IL1RAPL2: variants seen among roughly 807,000 people sequenced by gnomAD.
IL1RAPL2 encodes interleukin 1 receptor accessory protein like 2.
Under a neutral mutation model 44.1 loss-of-function variants are expected in IL1RAPL2, and 3 were observed. The ratio of observed to expected loss-of-function variants is 0.07; its 90% CI spans 0.03 to 0.18. The LOEUF is 0.18. IL1RAPL2 is among the 10% of genes least tolerant of loss of function. The pLI is 1.00. For synonymous variants in IL1RAPL2, 181 were observed against 178.8 expected (o/e 1.01, Z -0.10); for missense variants, 391 against 496.4 (o/e 0.79, Z 2.02).
chrX:105,474,109 G>A (rs2036182658), intron 5 of IL1RAPL2, among the ~76,000 whole-genome samples: 1 of 111,314 alleles, frequency 9.0e-6, no homozygotes, highest in East Asian at 2.8e-4. Flanking sequence ...GGATTATCCA[G>A]GTAAGCTCAA....
At chrX:104,798,249 G>C (rs992427017) in intron 2 of IL1RAPL2, among the ~76,000 whole-genome samples, 3 of 111,069 alleles carry the variant, frequency 2.7e-5, no homozygotes, top group African/African-American at 3.3e-5. Context: ...GTTAAGGGGG[G>C]CTCCACCTGC....
chrX:104,820,525 A>T (rs766615823), intron 2 of IL1RAPL2, among the ~76,000 whole-genome samples: 67 of 111,831 alleles, frequency 6.0e-4, no homozygotes, highest in Admixed American at 1.4e-3. Context: ...CTAAAGCAGC[A>T]GGTTTTGAGC....
At chrX:105,155,433 T>C (rs947644955) in intron 2 of IL1RAPL2, among the ~76,000 whole-genome samples, 7 of 110,600 alleles carry the variant, frequency 6.3e-5, no homozygotes, top group Non-Finnish European at 1.3e-4. Context: ...TGTAAGAAGT[T>C]TGGGGATACT....
intron 2 of IL1RAPL2, among the ~76,000 whole-genome samples, chrX:104,943,953 T>C (rs1414800565): frequency 8.9e-6 from 1 of 111,912 alleles, no homozygotes; most frequent in Non-Finnish European, 1.9e-5. Flanking sequence ...TAATACTATG[T>C]CAGGAAATAG....
Position 105,243,547 on chromosome X carries a change from G to GTATA in IL1RAPL2, c.543+9555_543+9558dup, listed in dbSNP as rs1280916021. ...ATGGAGATTTCATATATATATGTGT[G>GTATA]TATATATATATATATGTGTGTATAT... is the stretch of plus-strand genomic sequence containing the variant. On this transcript the variant is annotated intron_variant, in intron 4 of 10. Transcript: ENST00000372582. Among the ~76,000 whole-genome samples, 26 of 68,936 alleles carry GTATA rather than the reference G, an allele frequency of 3.8e-4. No individual in the cohort carries two copies. The African/African-American group carries it at 9.7e-3, about 26-fold the overall frequency. The allele number at this position is 68,936 out of a possible 115,157, so 59.9% of individuals were successfully genotyped here. A position where few individuals can be genotyped will look rare whatever the true frequency, so the allele number is the denominator to read the frequency against.
At chrX:105,313,634 G>A (rs184397360) in intron 5 of IL1RAPL2, among the ~76,000 whole-genome samples, 30 of 111,802 alleles carry the variant, frequency 2.7e-4, no homozygotes, top group African/African-American at 9.4e-4. Context: ...GTACCTACCA[G>A]TAATATTACA....
At chrX:105,633,051 G>A (rs770452711) in intron 6 of IL1RAPL2, among the ~76,000 whole-genome samples, 6 of 111,805 alleles carry the variant, frequency 5.4e-5, no homozygotes, top group African/African-American at 1.3e-4. Flanking sequence ...TTCCTCTCCC[G>A]CCTCTCAGAG....
At chrX:104,903,396 C>T (rs1346954807) in intron 2 of IL1RAPL2, among the ~76,000 whole-genome samples, 2 of 110,092 alleles carry the variant, frequency 1.8e-5, no homozygotes, top group Non-Finnish European at 3.8e-5. Flanking sequence ...CTTCATTAGG[C>T]TTTCAATAGA....
intron 2 of IL1RAPL2, among the ~76,000 whole-genome samples, chrX:105,162,321 A>G (rs1343569910): frequency 1.8e-5 from 2 of 112,126 alleles, no homozygotes; most frequent in Non-Finnish European, 1.9e-5. Flanking sequence ...GAAATGGAAG[A>G]CATTAATTTT....
chrX:105,042,685 C>G (rs1343754861), intron 2 of IL1RAPL2, among the ~76,000 whole-genome samples: 3 of 103,093 alleles, frequency 2.9e-5, no homozygotes, highest in Non-Finnish European at 6.0e-5. Context: ...CCTCAGGGAT[C>G]TAGAACTAGA....
chrX:105,574,591 A>G (rs1173424113), intron 6 of IL1RAPL2, among the ~76,000 whole-genome samples: 1 of 112,077 alleles, frequency 8.9e-6, no homozygotes, highest in Non-Finnish European at 1.9e-5. Context: ...AGGATCAACT[A>G]AGAGGAACAT....
At chrX:105,238,014 G>A (rs1259906835) in intron 4 of IL1RAPL2, among the ~76,000 whole-genome samples, 2 of 112,440 alleles carry the variant, frequency 1.8e-5, no homozygotes, top group East Asian at 2.8e-4. Context: ...TCACAAATCA[G>A]GCAGTCTTCT....
chrX:104,873,008 T>G (rs1469876866), intron 2 of IL1RAPL2, among the ~76,000 whole-genome samples: 1 of 111,784 alleles, frequency 8.9e-6, no homozygotes, highest in Non-Finnish European at 1.9e-5. Context: ...AAATTTATAA[T>G]TGCGTATGTG....
intron 4 of IL1RAPL2, among the ~76,000 whole-genome samples, chrX:105,256,566 C>T: frequency 9.0e-6 from 1 of 110,671 alleles, no homozygotes. Context: ...TGAGCTCAGG[C>T]AATCCACCTG....
chrX:105,428,942 G>T (rs949282387), intron 5 of IL1RAPL2, among the ~76,000 whole-genome samples: 30 of 111,258 alleles, frequency 2.7e-4, no homozygotes, highest in African/African-American at 8.8e-4. Context: ...TTCCCCAGAG[G>T]CAGTCTGCTG....
rs151065243 is a variant in IL1RAPL2 at position 105,279,090 on chromosome X, A to G, written c.697+11549A>G. On this transcript the variant is annotated intron_variant, in intron 5 of 10. Transcript: ENST00000372582. Reference sequence around the variant, plus strand: ...TTTATGAGAGATCTTCTTTGTGTAGATCTTGTAGCACCAATTACATTAGGG... The same window carrying G: ...TTTATGAGAGATCTTCTTTGTGTAGGTCTTGTAGCACCAATTACATTAGGG... 4.4e-3 allele frequency among the ~76,000 whole-genome samples: 493 copies of G among 111,066 alleles called. 4 individuals carry two copies. Among genetic ancestry groups the G allele is most frequent in the South Asian group, 0.016 (41 of 2,640 alleles).
At chrX:104,741,363 G>A (rs754184373) in intron 2 of IL1RAPL2, among the ~76,000 whole-genome samples, 4 of 110,826 alleles carry the variant, frequency 3.6e-5, no homozygotes, top group Non-Finnish European at 5.7e-5. Flanking sequence ...TAAATCAATG[G>A]GGAAATGATG....
intron 6 of IL1RAPL2, among the ~76,000 whole-genome samples, chrX:105,687,710 C>T (rs1437517213): frequency 1.8e-5 from 2 of 111,723 alleles, no homozygotes; most frequent in African/African-American, 3.3e-5. Context: ...GGGAATCCTC[C>T]CTAACTCAGT....
rs143277740 is a variant in IL1RAPL2 at position 104,689,235 on chromosome X, A to G, written c.82+30240A>G. Among the ~76,000 whole-genome samples the G allele has an allele frequency of 6.6e-3, 735 of 112,157 alleles. 4 individuals are homozygous for G. Among genetic ancestry groups the G allele is most frequent in the African/African-American group, 0.023 (698 of 30,883 alleles). ...GCTACCAAGCAGGATTACAAGTTCA[A>G]TTGTGACCTATGGAACAAAATGACT... On this transcript the variant is annotated intron_variant, in intron 2 of 10. Transcript: ENST00000372582.
Sources: allele counts gnomAD v4.1 joint callset (sites outside exome capture counted in the v4.1 genomes callset), GRCh38; gene constraint gnomAD v4.1.1; transcripts MANE v1.5; gene names NCBI Gene and HGNC (gene_info 2026-07-23, HGNC 2026-07-21).